The following MICOS10 variants were observed in gnomAD, a reference collection of about 807,000 sequenced individuals.
The protein encoded by MICOS10 is mitochondrial contact site and cristae organizing system subunit 10, also known as MICOS complex subunit MIC10.
MICOS10 carries 5 observed loss-of-function variants against 13.4 expected under a neutral mutation model. The observed-to-expected ratio is 0.37, with a 90% CI of 0.20 to 0.78. MICOS10 has a LOEUF of 0.78. Among genes scored for constraint, MICOS10 ranks in the 30% least tolerant of loss-of-function variants. The probability of loss-of-function intolerance (pLI) is 0.47; values close to 1 mark genes in which losing one functional copy is unlikely to be tolerated. For synonymous variants in MICOS10, 35 were observed against 33.6 expected, an observed-to-expected ratio of 1.04 and a Z score of -0.15; for missense variants, 101 against 94.6, an observed-to-expected ratio of 1.07 and a Z score of -0.28.
At chr1:19,617,357 CA>C in intron 1 of MICOS10, 1 of 943,690 alleles carries the variant, frequency 1.1e-6, no homozygotes, top group Non-Finnish European at 1.3e-6. Flanking sequence ...GTAAAATAGC[CA>C]CCTTCTTAGT....
At chr1:19,602,323 T>A (rs2094818278) in intron 1 of MICOS10, among the ~76,000 whole-genome samples, 2 of 152,220 alleles carry the variant, frequency 1.3e-5, no homozygotes, top group East Asian at 3.8e-4. Context: ...AAACTCCAAG[T>A]AAAGTAGATT....
chr1:19,610,367 C>CTT (rs773668659), intron 1 of MICOS10, among the ~76,000 whole-genome samples: 168 of 11,910 alleles, frequency 0.014, 11 homozygotes, highest in Middle Eastern at 0.1. Context: ...CACCCCCCGG[C>CTT]TTTTTTTTTT....
At chr1:19,624,328 C>A (rs2094914921) in intron 3 of MICOS10, among the ~76,000 whole-genome samples, 1 of 151,662 alleles carries the variant, frequency 6.6e-6, no homozygotes, top group African/African-American at 2.4e-5. Context: ...ACTCTGCCAC[C>A]AAGGTGGGAG....
intron 1 of MICOS10, among the ~76,000 whole-genome samples, chr1:19,611,987 A>G (rs2094864399): frequency 6.8e-6 from 1 of 147,748 alleles, no homozygotes; most frequent in Non-Finnish European, 1.5e-5. Flanking sequence ...AAAAAAAAAG[A>G]TTTTTTTTTC....
intron 1 of MICOS10, among the ~76,000 whole-genome samples, chr1:19,608,937 C>T (rs1454291088): frequency 6.6e-6 from 1 of 151,310 alleles, no homozygotes; most frequent in African/African-American, 2.4e-5. Context: ...CTCAAGCAAT[C>T]CTCCTGCCCC....
intron 1 of MICOS10, among the ~76,000 whole-genome samples, chr1:19,616,357 A>G (rs990060160): frequency 2.0e-5 from 3 of 152,208 alleles, no homozygotes; most frequent in Non-Finnish European, 4.4e-5. Context: ...GTTGGTACAG[A>G]TGAGGAAGAG....
intron 1 of MICOS10, among the ~76,000 whole-genome samples, chr1:19,610,413 C>T (rs1570482106): frequency 9.1e-6 from 1 of 109,696 alleles, no homozygotes; most frequent in Admixed American, 1.4e-4. Flanking sequence ...CAAGGCCTTA[C>T]TCTTGCCCAG....
chr1:19,603,527 CT>C (rs1377397934), intron 1 of MICOS10, among the ~76,000 whole-genome samples: 2 of 152,300 alleles, frequency 1.3e-5, no homozygotes, highest in East Asian at 3.9e-4. Context: ...AAATCTGATT[CT>C]GGCACTTCCT....
At chr1:19,599,001 C>T (rs1365313637) in intron 1 of MICOS10, among the ~76,000 whole-genome samples, 1 of 152,114 alleles carries the variant, frequency 6.6e-6, no homozygotes, top group Non-Finnish European at 1.5e-5. Context: ...CCTCCTGCCT[C>T]AGCCTCCCAA....
At chr1:19,597,646 G>A (rs2094797747) in intron 1 of MICOS10, among the ~76,000 whole-genome samples, 1 of 152,190 alleles carries the variant, frequency 6.6e-6, no homozygotes, top group South Asian at 2.1e-4. Context: ...AACTTAGAGG[G>A]GTGATGATCT....
chr1:19,603,576 T>C (rs1199179399), intron 1 of MICOS10, among the ~76,000 whole-genome samples: 1 of 152,232 alleles, frequency 6.6e-6, no homozygotes, highest in Non-Finnish European at 1.5e-5. Context: ...CTAGTGTGAC[T>C]TGGATAGCTT....
chr1:19,625,654 C>T, intron 3 of MICOS10: 2 of 1,281,088 alleles, frequency 1.6e-6, no homozygotes, highest in Non-Finnish European at 2.0e-6. Context: ...AAAACATTTC[C>T]ATTGTTCCAA....
intron 2 of MICOS10, 29 bp downstream of exon 2, chr1:19,622,176 A>C: frequency 6.4e-7 from 1 of 1,570,088 alleles, no homozygotes; most frequent in Non-Finnish European, 8.8e-7. Context: ...TTTCAACATA[A>C]TGTCATAGTG....
In MICOS10 at chr1:19,608,304, C is replaced by A. The variant is rs778820610; in HGVS notation, c.64+11195C>A. 1.3e-5 allele frequency: 17 copies of A among 1,333,960 alleles called. No homozygotes were observed. The African/African-American group carries it at 1.6e-4, about 12-fold the overall frequency. 82.6% of individuals were successfully genotyped at this position (1,333,960 alleles called of 1,614,324 possible). ...GTGACTGGTGGGATGAAGGTGAAGG[C>A]AGACCGAGATGAATCCTCGCCATAT... On this transcript the variant is annotated intron_variant, in intron 1 of 3. Transcript: ENST00000322753.
chr1:19,608,081 T>C, intron 1 of MICOS10: 1 of 853,316 alleles, frequency 1.2e-6, no homozygotes, highest in African/African-American at 1.6e-5. Flanking sequence ...TATAAGAGCT[T>C]TCCCGTGTGG....
intron 3 of MICOS10, among the ~76,000 whole-genome samples, chr1:19,624,806 A>AG (rs11415457): frequency 0.11 from 16,647 of 152,248 alleles, 3,077 homozygotes; most frequent in African/African-American, 0.38. Flanking sequence ...GAAACAAAAT[A>AG]GCACTCAAAT....
Position 19,615,930 on chromosome 1 carries a change from A to G in MICOS10, c.65-6170A>G, listed in dbSNP as rs565106073. Among the ~76,000 whole-genome samples, 12 of 144,662 alleles carry G rather than the reference A, an allele frequency of 8.3e-5. 1 individual carries two copies. The South Asian group carries it at 2.7e-3, about 32-fold the overall frequency. The allele number at this position is 144,662 out of a possible 152,430, so 94.9% of individuals were successfully genotyped here. A position where few individuals can be genotyped will look rare whatever the true frequency, so the allele number is the denominator to read the frequency against. On this transcript the variant is annotated intron_variant, in intron 1 of 3. Transcript: ENST00000322753. ...CATTGAATTTTTTTTTTTAATTTTT[A>G]TTTTTTAGACGGAGTCTTGCTCTGT... is the stretch of plus-strand genomic sequence containing the variant.
chr1:19,619,316 T>A (rs1467310943), intron 1 of MICOS10, among the ~76,000 whole-genome samples: 1 of 152,244 alleles, frequency 6.6e-6, no homozygotes, highest in Non-Finnish European at 1.5e-5. Context: ...TTCCTGCTGA[T>A]TATGTTTGCT....
intron 1 of MICOS10, 87 bp from the exon 2 acceptor site, chr1:19,622,009 GTTTA>G (rs1417683762): frequency 4.2e-6 from 4 of 944,186 alleles, no homozygotes; most frequent in African/African-American, 1.7e-5. Flanking sequence ...AAAAAAATCT[GTTTA>G]ATGATGTTCA....
Sources: allele counts gnomAD v4.1 joint callset (sites outside exome capture counted in the v4.1 genomes callset), GRCh38; gene constraint gnomAD v4.1.1; transcripts MANE v1.5; gene names NCBI Gene and HGNC (gene_info 2026-07-23, HGNC 2026-07-21).